Variants in CD28 observed in about 807,000 individuals in gnomAD.
CD28 encodes the protein T-cell-specific surface glycoprotein CD28.
CD28 carries 8 observed loss-of-function variants against 21.4 expected under a neutral mutation model. The observed-to-expected ratio is 0.37, with a 90% CI of 0.22 to 0.68. The LOEUF is 0.68. Ranked by LOEUF, CD28 falls within the 30% of genes least tolerant of loss-of-function variation. The pLI, the probability that CD28 is intolerant of heterozygous loss-of-function variation, is 0.55. For synonymous variants in CD28, 106 were observed against 104.0 expected (o/e 1.02, Z -0.12); for missense variants, 239 against 272.2 (o/e 0.88, Z 0.86).
chr2:203,734,440 G>T (rs961049888), intron 3 of CD28, among the ~76,000 whole-genome samples: 1 of 152,228 alleles, frequency 6.6e-6, no homozygotes, highest in African/African-American at 2.4e-5. Context: ...ATCACAATGT[G>T]GGTAGGCTTA....
intron 1 of CD28, among the ~76,000 whole-genome samples, chr2:203,709,686 A>G (rs1693260381): frequency 6.6e-6 from 1 of 152,230 alleles, no homozygotes; most frequent in Non-Finnish European, 1.5e-5. Context: ...TAAGAGGGAA[A>G]TGCTCTGGGA....
At chr2:203,709,109 C>CAAAA (rs34357514) in intron 1 of CD28, among the ~76,000 whole-genome samples, 28 of 138,212 alleles carry the variant, frequency 2.0e-4, no homozygotes, top group African/African-American at 6.9e-4. Context: ...GAAACAGTCT[C>CAAAA]AAAAAAAAAA....
At chr2:203,729,794 T>A in intron 3 of CD28, 22 bp downstream of exon 3, 1 of 1,607,120 alleles carries the variant, frequency 6.2e-7, no homozygotes, top group Middle Eastern at 1.7e-4. Flanking sequence ...AGCACTGCTT[T>A]TATGTAACTT....
chr2:203,708,604 A>T (rs1693224493), intron 1 of CD28, among the ~76,000 whole-genome samples: 1 of 152,216 alleles, frequency 6.6e-6, no homozygotes, highest in Admixed American at 6.5e-5. Flanking sequence ...CATTTATTAA[A>T]AGGGGACTAG....
chr2:203,717,885 G>A (rs1693502669), intron 1 of CD28, among the ~76,000 whole-genome samples: 1 of 152,044 alleles, frequency 6.6e-6, no homozygotes, highest in Admixed American at 6.6e-5. Context: ...TGTGAAAATG[G>A]GAAGACTTTC....
At chr2:203,727,079 A>G in intron 2 of CD28, 90 bp downstream of exon 2, 1 of 783,786 alleles carries the variant, frequency 1.3e-6, no homozygotes, top group Admixed American at 2.1e-5. Context: ...GGTGGGGTTG[A>G]ATAAGGCCTA....
Position 203,734,997 on chromosome 2 carries a change from C to A in CD28, c.*85C>A. Reference sequence around the variant, plus strand: ...TCTGGATAGGAAATGACCGCCATCTCCAGCCGGCCACCTCAGGCCCCTGTT... The same window carrying A: ...TCTGGATAGGAAATGACCGCCATCTACAGCCGGCCACCTCAGGCCCCTGTT... On this transcript the variant is annotated 3_prime_UTR_variant, in exon 4 of 4. Coordinates refer to ENST00000324106, the MANE Select transcript of CD28 (RefSeq NM_006139.4). The A allele has an allele frequency of 6.6e-7, 1 of 1,523,642 alleles. No homozygotes were observed. The highest frequency in any genetic ancestry group is 1.3e-5 in the South Asian group (1 of 78,634). 94.4% of individuals were successfully genotyped at this position (1,523,642 alleles called of 1,614,324 possible). A position where few individuals can be genotyped will look rare whatever the true frequency, so the allele number is the denominator to read the frequency against.
At chr2:203,720,347 A>G (rs894968256) in intron 1 of CD28, among the ~76,000 whole-genome samples, 3 of 152,232 alleles carry the variant, frequency 2.0e-5, no homozygotes, top group Non-Finnish European at 4.4e-5. Context: ...TGTCAGTCAG[A>G]CCAATCTTTT....
intron 1 of CD28, among the ~76,000 whole-genome samples, chr2:203,709,486 T>C (rs1167223581): frequency 2.0e-5 from 3 of 152,230 alleles, no homozygotes; most frequent in African/African-American, 7.2e-5. Context: ...TCCTTATGAG[T>C]TGGATGACAG....
At chr2:203,711,836 A>G (rs1392816424) in intron 1 of CD28, among the ~76,000 whole-genome samples, 1 of 152,188 alleles carries the variant, frequency 6.6e-6, no homozygotes, top group African/African-American at 2.4e-5. Flanking sequence ...GTGTATCTCA[A>G]CTTAACAAAT....
intron 1 of CD28, among the ~76,000 whole-genome samples, chr2:203,719,182 A>G (rs1693542364): frequency 6.6e-6 from 1 of 152,224 alleles, no homozygotes. Context: ...TAAATAAATA[A>G]ATTACATCTT....
At chr2:203,706,519 T>C (rs1256158452), upstream of CD28, 1 of 1,546,954 alleles carries the variant, frequency 6.5e-7, no homozygotes, top group South Asian at 1.2e-5. Flanking sequence ...AATGCTGCAG[T>C]CAGGATGCCT....
chr2:203,724,297 CAGAT>C (rs1375961401), intron 1 of CD28, among the ~76,000 whole-genome samples: 3 of 151,982 alleles, frequency 2.0e-5, no homozygotes, highest in Non-Finnish European at 4.4e-5. Flanking sequence ...GTTCTGGAAT[CAGAT>C]AGTGGTGATT....
At chr2:203,710,604 A>G (rs1693286769) in intron 1 of CD28, among the ~76,000 whole-genome samples, 1 of 152,204 alleles carries the variant, frequency 6.6e-6, no homozygotes, top group Admixed American at 6.5e-5. Flanking sequence ...TTTGGCTTTT[A>G]TCTTGTGTGG....
chr2:203,716,650 C>CT, intron 1 of CD28, among the ~76,000 whole-genome samples: 1 of 152,240 alleles, frequency 6.6e-6, no homozygotes. Context: ...TCATATGGGA[C>CT]TTTTTGCTAC....
chr2:203,726,046 T>TA (rs1015670523), intron 1 of CD28, among the ~76,000 whole-genome samples: 7 of 151,782 alleles, frequency 4.6e-5, no homozygotes, highest in African/African-American at 1.7e-4. Context: ...CCGTCTATAC[T>TA]AAAAAAATAG....
chr2:203,729,784 A>G lies in CD28; in HGVS notation c.534+12A>G, dbSNP rs778642472. 6.2e-7 allele frequency: 1 copy of G among 1,610,690 alleles called. No individual in the cohort carries two copies. Among genetic ancestry groups the G allele is most frequent in the Non-Finnish European group, 8.5e-7 (1 of 1,178,924 alleles). On this transcript the variant is annotated intron_variant, in intron 3 of 3. Transcript: ENST00000324106. ...TTATTATTTTCTGGGTAAGAGAAGCAGCACTGCTTTTATGTAACTTTTCCA... is the reference window on the plus strand; with the variant it reads ...TTATTATTTTCTGGGTAAGAGAAGCGGCACTGCTTTTATGTAACTTTTCCA...
chr2:203,730,608 C>T (rs995915397), intron 3 of CD28, among the ~76,000 whole-genome samples: 7 of 152,120 alleles, frequency 4.6e-5, no homozygotes, highest in African/African-American at 1.7e-4. Context: ...TGAGTCATTT[C>T]TTCAATGAGA....
At chr2:203,726,559 A>C in intron 1 of CD28, 74 bp from the exon 2 acceptor site, 1 of 1,008,304 alleles carries the variant, frequency 9.9e-7, no homozygotes, top group South Asian at 1.5e-5. Flanking sequence ...TTAGTTAATT[A>C]ATATATTTTG....
Sources: allele counts gnomAD v4.1 joint callset (sites outside exome capture counted in the v4.1 genomes callset), GRCh38; gene constraint gnomAD v4.1.1; transcripts MANE v1.5; gene names NCBI Gene and HGNC (gene_info 2026-07-23, HGNC 2026-07-21).